The following FAM135B variants were observed in gnomAD, a reference collection of about 807,000 sequenced individuals.
FAM135B encodes family with sequence similarity 135 member B, also known as protein FAM135B.
In FAM135B, 43 loss-of-function variants were observed where a neutral mutation model predicts 127.7. That is an observed-to-expected ratio of 0.34 (90% CI 0.26 to 0.43). The LOEUF is 0.43. Among genes scored for constraint, FAM135B ranks in the 20% least tolerant of loss-of-function variants. The pLI, the probability that FAM135B is intolerant of heterozygous loss-of-function variation, is 1.00. For synonymous variants in FAM135B, 670 were observed against 665.1 expected, an observed-to-expected ratio of 1.01 and a Z score of -0.11; for missense variants, 1,558 against 1,725.6, an observed-to-expected ratio of 0.90 and a Z score of 1.72.
At chr8:138,392,909 T>TA (rs1331257673) in intron 1 of FAM135B, among the ~76,000 whole-genome samples, 4 of 152,158 alleles carry the variant, frequency 2.6e-5, no homozygotes, top group Non-Finnish European at 5.9e-5. Flanking sequence ...GGTGTTGTAT[T>TA]AGTCTGTTTT....
chr8:138,140,664 T>C (rs1165713775), intron 17 of FAM135B, among the ~76,000 whole-genome samples: 1 of 136,598 alleles, frequency 7.3e-6, no homozygotes, highest in Non-Finnish European at 1.6e-5. Flanking sequence ...TATGCACATA[T>C]GCACCTACAC....
intron 2 of FAM135B, among the ~76,000 whole-genome samples, chr8:138,327,473 C>T (rs543280739): frequency 1.3e-5 from 2 of 152,284 alleles, no homozygotes; most frequent in African/African-American, 4.8e-5. Flanking sequence ...TACATAATGG[C>T]TACCCACTGA....
chr8:138,371,416 C>T (rs1010811642), intron 1 of FAM135B, among the ~76,000 whole-genome samples: 2 of 152,118 alleles, frequency 1.3e-5, no homozygotes, highest in African/African-American at 4.8e-5. Context: ...CTTCATCACA[C>T]ACACAAGATG....
chr8:138,343,247 T>C (rs1215266298), intron 2 of FAM135B, among the ~76,000 whole-genome samples: 2 of 152,310 alleles, frequency 1.3e-5, no homozygotes, highest in African/African-American at 2.4e-5. Flanking sequence ...AATGGGGGAA[T>C]TGGCTCTCAT....
chr8:138,197,406 C>T lies in FAM135B; in HGVS notation c.823+110G>A, dbSNP rs530931831. The stretch of plus-strand genomic sequence containing the variant: ...AATCACAGCCCAAACCTACCTGGAC[C>T]AGGGTTATTCCTGTGACATTTACAA... On this transcript the variant is annotated intron_variant, in intron 8 of 19. Transcript: ENST00000395297. The T allele has an allele frequency of 2.5e-4, 327 of 1,334,364 alleles. No homozygotes were observed. The East Asian group carries it at 7.9e-3, about 32-fold the overall frequency. The allele number at this position is 1,334,364 out of a possible 1,614,324, so 82.7% of individuals were successfully genotyped here.
intron 11 of FAM135B, among the ~76,000 whole-genome samples, chr8:138,168,884 G>A (rs931676835): frequency 1.3e-5 from 2 of 152,140 alleles, no homozygotes; most frequent in East Asian, 1.9e-4. Flanking sequence ...GGGAAGACTT[G>A]AGCTTGCAGA....
chr8:138,256,296 A>C lies in FAM135B; in HGVS notation c.368+393T>G, dbSNP rs566642223. On this transcript the variant is annotated intron_variant, in intron 5 of 19. Coordinates refer to ENST00000395297, the MANE Select transcript of FAM135B (RefSeq NM_015912.4). The stretch of plus-strand genomic sequence containing the variant: ...TGAAACATAATAGCAGATATGTCGC[A>C]CAAAGATGTAGAATCCTGGAAGAAT... Among the ~76,000 whole-genome samples the C allele has an allele frequency of 9.8e-5, 15 of 152,352 alleles. No individual in the cohort carries two copies. The South Asian group carries it at 2.3e-3, about 23-fold the overall frequency.
intron 7 of FAM135B, among the ~76,000 whole-genome samples, chr8:138,217,153 A>G (rs937362423): frequency 5.9e-5 from 9 of 152,232 alleles, no homozygotes; most frequent in African/African-American, 2.2e-4. Flanking sequence ...ATGCCTGACG[A>G]ATATGCCCAC....
rs188964017 is a variant in FAM135B, at chr8:138,297,615, G to A, written c.157+13226C>T. On this transcript the variant is annotated intron_variant, in intron 3 of 19. Coordinates refer to ENST00000395297, the MANE Select transcript of FAM135B (RefSeq NM_015912.4). ...AACACTGTCTGAAAGACCCCTAAAAGTCTAATCTTGTCACTGCTGCATCAG... is the reference window on the plus strand; with the variant it reads ...AACACTGTCTGAAAGACCCCTAAAAATCTAATCTTGTCACTGCTGCATCAG... Among the ~76,000 whole-genome samples, 393 of 152,296 alleles carry A rather than the reference G, an allele frequency of 2.6e-3. 2 individuals are homozygous for A. Among genetic ancestry groups the A allele is most frequent in the South Asian group, 4.1e-3 (20 of 4,828 alleles).
intron 12 of FAM135B, among the ~76,000 whole-genome samples, chr8:138,157,278 G>A (rs1168840277): frequency 2.6e-5 from 4 of 152,054 alleles, no homozygotes; most frequent in African/African-American, 9.7e-5. Flanking sequence ...AATAAACTAG[G>A]TATTGATGGG....
chr8:138,409,997 T>C (rs1206284051), intron 1 of FAM135B, among the ~76,000 whole-genome samples: 3 of 151,910 alleles, frequency 2.0e-5, no homozygotes, highest in Non-Finnish European at 4.4e-5. Flanking sequence ...AGGGCCCACA[T>C]TCTAAACTGT....
chr8:138,236,370 T>C (rs574585379), intron 7 of FAM135B, among the ~76,000 whole-genome samples: 6 of 150,856 alleles, frequency 4.0e-5, no homozygotes, highest in Non-Finnish European at 8.8e-5. Context: ...TGTCCATCAA[T>C]GAATAAATGG....
At chr8:138,236,913 G>A (rs1477492867) in intron 7 of FAM135B, among the ~76,000 whole-genome samples, 1 of 152,120 alleles carries the variant, frequency 6.6e-6, no homozygotes, top group Non-Finnish European at 1.5e-5. Context: ...GCACACAGTA[G>A]GGGCTAAATA....
At chr8:138,446,574 A>C (rs1446750712) in intron 1 of FAM135B, among the ~76,000 whole-genome samples, 1 of 152,218 alleles carries the variant, frequency 6.6e-6, no homozygotes, top group Non-Finnish European at 1.5e-5. Context: ...CTATTTAATA[A>C]ATCGTTCAGG....
intron 2 of FAM135B, among the ~76,000 whole-genome samples, chr8:138,312,186 C>G (rs1459777960): frequency 6.6e-6 from 1 of 152,102 alleles, no homozygotes; most frequent in East Asian, 1.9e-4. Context: ...ACCTCATGAT[C>G]CACCTGCCTC....
chr8:138,274,516 C>T (rs956548953), intron 3 of FAM135B, among the ~76,000 whole-genome samples: 1 of 152,126 alleles, frequency 6.6e-6, no homozygotes, highest in Non-Finnish European at 1.5e-5. Flanking sequence ...GTTTCAGGCA[C>T]CATTGTCATT....
At chr8:138,338,015 T>C (rs566773937) in intron 2 of FAM135B, among the ~76,000 whole-genome samples, 4 of 152,310 alleles carry the variant, frequency 2.6e-5, no homozygotes, top group Non-Finnish European at 5.9e-5. Context: ...GGGAAAGGAT[T>C]CCCTATTTAA....
intron 12 of FAM135B, among the ~76,000 whole-genome samples, chr8:138,157,782 C>T (rs924464856): frequency 3.3e-5 from 5 of 152,178 alleles, no homozygotes; most frequent in Non-Finnish European, 7.3e-5. Context: ...CAAACCACTG[C>T]TCAATGAAAT....
At chr8:138,400,819 T>C (rs567755179) in intron 1 of FAM135B, among the ~76,000 whole-genome samples, 1 of 152,200 alleles carries the variant, frequency 6.6e-6, no homozygotes, top group South Asian at 2.1e-4. Flanking sequence ...TAGGTCTGTG[T>C]TCCAAAACAC....
Sources: allele counts gnomAD v4.1 joint callset (sites outside exome capture counted in the v4.1 genomes callset), GRCh38; gene constraint gnomAD v4.1.1; transcripts MANE v1.5; gene names NCBI Gene and HGNC (gene_info 2026-07-23, HGNC 2026-07-21).